Variants in AGBL1 observed in about 807,000 individuals in gnomAD.
AGBL1 encodes the protein AGBL carboxypeptidase 1.
Under a neutral mutation model 118.9 loss-of-function variants are expected in AGBL1, and 130 were observed. The observed-to-expected ratio is 1.09, with a 90% CI of 0.95 to 1.26. AGBL1 has a LOEUF of 1.26. Ranked by LOEUF, AGBL1 falls within the 50% of genes most tolerant of loss-of-function variation. The pLI, the probability that AGBL1 is intolerant of heterozygous loss-of-function variation, is 0.00. For missense variants in AGBL1, 1,584 were observed against 1,298.1 expected (o/e 1.22, Z -3.38); for synonymous variants, 555 against 478.9 (o/e 1.16, Z -2.08).
At chr15:86,101,939 G>T (rs926366573) in intron 1 of AGBL1, among the ~76,000 whole-genome samples, 16 of 151,716 alleles carry the variant, frequency 1.1e-4, no homozygotes, top group African/African-American at 3.9e-4. Context: ...GTTTTGTATA[G>T]ATGAAGAAAC....
chr15:86,574,949 G>A (rs2142318784), intron 21 of AGBL1, among the ~76,000 whole-genome samples: 1 of 152,106 alleles, frequency 6.6e-6, no homozygotes, highest in Non-Finnish European at 1.5e-5. Flanking sequence ...CCAGCACTTT[G>A]GGAGGCTGAG....
intron 7 of AGBL1, among the ~76,000 whole-genome samples, chr15:86,255,321 C>A (rs1419046772): frequency 6.6e-6 from 1 of 152,178 alleles, no homozygotes; most frequent in Non-Finnish European, 1.5e-5. Flanking sequence ...TTCAACTGTT[C>A]ATTAGCCTCC....
chr15:86,874,585 C>T (rs536414580), intron 22 of AGBL1, among the ~76,000 whole-genome samples: 6 of 152,144 alleles, frequency 3.9e-5, no homozygotes, highest in African/African-American at 7.2e-5. Context: ...TGGGAAATAA[C>T]AGCTGCTAGT....
rs1038061780 is a variant in AGBL1 at position 86,522,718 on chromosome 15, C to T, written c.2556-92C>T. 4.8e-6 allele frequency: 7 copies of T among 1,449,608 alleles called. No individual in the cohort carries two copies. The African/African-American group carries it at 8.5e-5, about 18-fold the overall frequency. The allele number at this position is 1,449,608 out of a possible 1,614,324, so 89.8% of individuals were successfully genotyped here. ...AGAAATCAGAGGAAAGTTTTGAAGT[C>T]ATTAGTTTAATTGTTTATCTTGTGG... On this transcript the variant is annotated intron_variant, in intron 18 of 22. Coordinates refer to ENST00000614907, the MANE Select transcript of AGBL1 (RefSeq NM_001386094.1).
chr15:86,873,379 AT>A (rs754654829), intron 22 of AGBL1, among the ~76,000 whole-genome samples: 3 of 152,306 alleles, frequency 2.0e-5, no homozygotes, highest in Non-Finnish European at 4.4e-5. Flanking sequence ...GAGAATAAAA[AT>A]TTTAAGAATC....
chr15:86,584,241 G>A (rs1434152012), intron 21 of AGBL1, among the ~76,000 whole-genome samples: 1 of 151,900 alleles, frequency 6.6e-6, no homozygotes, highest in Non-Finnish European at 1.5e-5. Flanking sequence ...TTGAGGACTT[G>A]GTCATAAATT....
chr15:86,872,339 A>G (rs774534533), intron 22 of AGBL1, among the ~76,000 whole-genome samples: 1 of 152,258 alleles, frequency 6.6e-6, no homozygotes, highest in Non-Finnish European at 1.5e-5. Context: ...CAATTTGAAA[A>G]TAGAAGCCCT....
intron 5 of AGBL1, among the ~76,000 whole-genome samples, chr15:86,166,610 C>T (rs2141734045): frequency 6.6e-6 from 1 of 152,316 alleles, no homozygotes; most frequent in East Asian, 1.9e-4. Flanking sequence ...CCCCTGTCAC[C>T]TGGGTGGTGA....
At chr15:86,329,717 G>T (rs7167975) in intron 17 of AGBL1, among the ~76,000 whole-genome samples, 5,389 of 152,060 alleles carry the variant, frequency 0.035, 170 homozygotes, top group African/African-American at 0.085. Flanking sequence ...TTGGCAGCCT[G>T]AGCTGCCAAA....
chr15:86,804,323 T>G (rs766577543), intron 22 of AGBL1, among the ~76,000 whole-genome samples: 1 of 152,124 alleles, frequency 6.6e-6, no homozygotes, highest in African/African-American at 2.4e-5. Flanking sequence ...GTGAGTAGTA[T>G]TACTGACTGT....
At chr15:86,820,319 G>T (rs1215970054) in intron 22 of AGBL1, among the ~76,000 whole-genome samples, 1 of 152,162 alleles carries the variant, frequency 6.6e-6, no homozygotes, top group East Asian at 1.9e-4. Flanking sequence ...AAGAGCTTCT[G>T]CACAGCAAAA....
chr15:86,218,739 A>G (rs2078230988), intron 5 of AGBL1, among the ~76,000 whole-genome samples: 1 of 152,232 alleles, frequency 6.6e-6, no homozygotes, highest in Non-Finnish European at 1.5e-5. Context: ...GCCTCTAGAA[A>G]TGCAGAGTGG....
At chr15:86,113,217 CT>C (rs1381672852) in intron 1 of AGBL1, among the ~76,000 whole-genome samples, 1 of 50,786 alleles carries the variant, frequency 2.0e-5, no homozygotes, top group African/African-American at 1.8e-4. Flanking sequence ...TTTTCTTTTT[CT>C]TTTCTTTTCT....
intron 3 of AGBL1, among the ~76,000 whole-genome samples, chr15:86,149,034 G>A (rs548389344): frequency 4.6e-5 from 7 of 152,060 alleles, no homozygotes; most frequent in African/African-American, 4.8e-5. Context: ...ACTATGCTTC[G>A]TAAGCAAAGG....
chr15:86,813,778 T>TTC (rs2078823766), intron 22 of AGBL1, among the ~76,000 whole-genome samples: 1 of 152,162 alleles, frequency 6.6e-6, no homozygotes, highest in South Asian at 2.1e-4. Flanking sequence ...TCAAACTACA[T>TTC]AGCATTCAAG....
chr15:86,464,142 A>G (rs1361351199), intron 18 of AGBL1, among the ~76,000 whole-genome samples: 1 of 152,136 alleles, frequency 6.6e-6, no homozygotes, highest in African/African-American at 2.4e-5. Flanking sequence ...ATTCCCAGAA[A>G]GACGGTCTTC....
chr15:86,228,915 G>A (rs903262619), intron 6 of AGBL1, among the ~76,000 whole-genome samples: 2 of 152,226 alleles, frequency 1.3e-5, no homozygotes, highest in African/African-American at 4.8e-5. Context: ...CTCACTCAAG[G>A]TTCCTTTCTG....
intron 21 of AGBL1, among the ~76,000 whole-genome samples, chr15:86,590,621 A>T (rs2084321010): frequency 6.6e-6 from 1 of 152,214 alleles, no homozygotes; most frequent in Non-Finnish European, 1.5e-5. Flanking sequence ...TGTTATGTAG[A>T]TGAAACCTCA....
At chr15:86,522,991 C>G (rs1451627151) in intron 19 of AGBL1, 52 bp downstream of exon 19, 1 of 1,569,818 alleles carries the variant, frequency 6.4e-7, no homozygotes, top group African/African-American at 1.4e-5. Flanking sequence ...TTCTACCTTC[C>G]AGGAAGCAGA....
Sources: gnomAD v4.1 joint callset for allele counts (sites outside exome capture counted in the v4.1 genomes callset) on GRCh38, gnomAD v4.1.1 for gene constraint, MANE v1.5 for transcripts, NCBI Gene and HGNC (gene_info 2026-07-23, HGNC 2026-07-21) for gene names.